Variants in HS6ST2 observed in about 807,000 individuals in gnomAD.
The protein encoded by HS6ST2 is heparan-sulfate 6-O-sulfotransferase 2.
In HS6ST2, 17 loss-of-function variants were observed where a neutral mutation model predicts 33.0. The observed-to-expected ratio is 0.52, with a 90% CI of 0.35 to 0.77. The LOEUF is 0.77. HS6ST2 is among the 30% of genes least tolerant of loss of function. HS6ST2 has a pLI of 0.01. For synonymous variants in HS6ST2, 248 were observed against 237.1 expected (o/e 1.05, Z -0.42); for missense variants, 519 against 551.7 (o/e 0.94, Z 0.59).
At chrX:132,855,201 G>C (rs767142664) in intron 2 of HS6ST2, among the ~76,000 whole-genome samples, 2 of 111,794 alleles carry the variant, frequency 1.8e-5, no homozygotes, top group Non-Finnish European at 3.8e-5. Context: ...CAGCACTGGG[G>C]CTCTCCAGCA....
At chrX:132,946,315 A>G (rs1398725258) in intron 2 of HS6ST2, among the ~76,000 whole-genome samples, 2 of 112,266 alleles carry the variant, frequency 1.8e-5, no homozygotes, top group Non-Finnish European at 3.8e-5. Context: ...ATAAAGACAC[A>G]TGCACACATT....
At chrX:132,686,326 A>C (rs2064016023) in intron 3 of HS6ST2, among the ~76,000 whole-genome samples, 1 of 112,414 alleles carries the variant, frequency 8.9e-6, no homozygotes, top group Non-Finnish European at 1.9e-5. Flanking sequence ...TGTAAATCAC[A>C]ACCCTCACTA....
chrX:132,761,717 C>T (rs1467979908), intron 2 of HS6ST2, among the ~76,000 whole-genome samples: 2 of 112,163 alleles, frequency 1.8e-5, no homozygotes. Flanking sequence ...ACAATGGCTA[C>T]AGTCACAGCC....
intron 2 of HS6ST2, among the ~76,000 whole-genome samples, chrX:132,894,625 C>T (rs912058695): frequency 6.3e-5 from 7 of 110,484 alleles, no homozygotes; most frequent in Non-Finnish European, 1.1e-4. Context: ...CAACCTCTGC[C>T]TCTGGGGTTC....
intron 2 of HS6ST2, among the ~76,000 whole-genome samples, chrX:132,713,127 C>T (rs1035509291): frequency 1.8e-4 from 20 of 110,992 alleles, no homozygotes; most frequent in African/African-American, 4.9e-4. Context: ...GATATGGTAT[C>T]GGAACTGACC....
intron 2 of HS6ST2, 49 bp downstream of exon 2, chrX:132,956,759 C>T: frequency 8.9e-7 from 1 of 1,120,378 alleles, no homozygotes; most frequent in Admixed American, 2.8e-5. Context: ...CCTCCCAGCC[C>T]TCCGCCCGCC....
At chrX:132,947,166 G>A (rs2066965925) in intron 2 of HS6ST2, among the ~76,000 whole-genome samples, 1 of 110,290 alleles carries the variant, frequency 9.1e-6, no homozygotes, top group African/African-American at 3.3e-5. Flanking sequence ...TGTTTCATAT[G>A]CACTTGTGTG....
chrX:132,909,694 T>C (rs747136226), intron 2 of HS6ST2, among the ~76,000 whole-genome samples: 1 of 111,733 alleles, frequency 8.9e-6, no homozygotes, highest in South Asian at 3.8e-4. Context: ...AGTTTTGTAA[T>C]GATTTTACAT....
At chrX:132,634,861 G>C (rs1397108456) in intron 4 of HS6ST2, among the ~76,000 whole-genome samples, 1 of 111,190 alleles carries the variant, frequency 9.0e-6, no homozygotes, top group African/African-American at 3.3e-5. Context: ...CTCAGGAAAG[G>C]CTGCCTTTTG....
chrX:132,954,110 G>A (rs755915453), intron 2 of HS6ST2, among the ~76,000 whole-genome samples: 2 of 112,284 alleles, frequency 1.8e-5, no homozygotes, highest in Non-Finnish European at 3.8e-5. Flanking sequence ...TGAAGATGGT[G>A]CAGGTTTACA....
At chrX:132,714,179 G>A (rs2064254588) in intron 2 of HS6ST2, among the ~76,000 whole-genome samples, 1 of 111,540 alleles carries the variant, frequency 9.0e-6, no homozygotes, top group African/African-American at 3.3e-5. Context: ...ATAAAAAACT[G>A]ATACCCCAAT....
chrX:132,882,024 G>A (rs1442608597), intron 2 of HS6ST2, among the ~76,000 whole-genome samples: 2 of 111,606 alleles, frequency 1.8e-5, no homozygotes, highest in African/African-American at 6.5e-5. Context: ...TTTGGTTACT[G>A]TAGCCTTGTA....
At chrX:132,760,256 C>A (rs1188546026) in intron 2 of HS6ST2, among the ~76,000 whole-genome samples, 2 of 110,622 alleles carry the variant, frequency 1.8e-5, no homozygotes, top group Non-Finnish European at 3.8e-5. Context: ...TGTGTCCCCA[C>A]CAAAATCTCA....
chrX:132,839,272 GTATATATATATATA>G (rs748319681), intron 2 of HS6ST2, among the ~76,000 whole-genome samples: 42 of 62,789 alleles, frequency 6.7e-4, no homozygotes, highest in South Asian at 2.5e-3. Context: ...TGTAGTGTGT[GTATATATATATATA>G]TATATATATA....
chrX:132,756,984 T>C (rs1021271798), intron 2 of HS6ST2, among the ~76,000 whole-genome samples: 4 of 110,952 alleles, frequency 3.6e-5, no homozygotes, highest in African/African-American at 1.3e-4. Flanking sequence ...AGAAGAAAAA[T>C]GCCACTGGAT....
At chrX:132,674,907 G>A (rs2063912285) in intron 3 of HS6ST2, among the ~76,000 whole-genome samples, 1 of 111,934 alleles carries the variant, frequency 8.9e-6, no homozygotes, top group Non-Finnish European at 1.9e-5. Flanking sequence ...GAAATATAAT[G>A]AGAGGCTGGG....
At chrX:132,813,942 AATTT>A (rs759183613) in intron 2 of HS6ST2, among the ~76,000 whole-genome samples, 1 of 111,076 alleles carries the variant, frequency 9.0e-6, no homozygotes, top group African/African-American at 3.3e-5. Context: ...TATTTAATTT[AATTT>A]ATTTATTTAT....
chrX:132,727,013 T>G (rs2064398705), intron 2 of HS6ST2, among the ~76,000 whole-genome samples: 1 of 111,441 alleles, frequency 9.0e-6, no homozygotes, highest in African/African-American at 3.3e-5. Context: ...CTGTCCAATT[T>G]TTATATCTCA....
chrX:132,821,322 C>T (rs952225971), intron 2 of HS6ST2, among the ~76,000 whole-genome samples: 1 of 107,232 alleles, frequency 9.3e-6, no homozygotes, highest in South Asian at 4.4e-4. Flanking sequence ...ACGCCATTCT[C>T]CTTCCTCAGC....
Sources: allele counts gnomAD v4.1 joint callset (sites outside exome capture counted in the v4.1 genomes callset), GRCh38; gene constraint gnomAD v4.1.1; transcripts MANE v1.5; gene names NCBI Gene and HGNC (gene_info 2026-07-23, HGNC 2026-07-21).